LHPP: variants seen among roughly 807,000 people sequenced by gnomAD.
LHPP encodes the protein hLHPP.
Under a neutral mutation model 30.3 loss-of-function variants are expected in LHPP, and 24 were observed. The observed-to-expected ratio is 0.79, with a 90% CI of 0.57 to 1.11. The LOEUF (loss-of-function observed/expected upper bound fraction) is 1.11. Among genes scored for constraint, LHPP ranks in the 50% most tolerant of loss-of-function variants. LHPP has a pLI of 0.00. For missense variants in LHPP, 356 were observed against 367.2 expected (o/e 0.97, Z 0.25); for synonymous variants, 150 against 157.1 (o/e 0.95, Z 0.34).
intron 1 of LHPP, among the ~76,000 whole-genome samples, chr10:124,465,897 C>T (rs932398371): frequency 2.0e-5 from 3 of 152,204 alleles, no homozygotes; most frequent in African/African-American, 7.2e-5. Flanking sequence ...TCAAGCTGCC[C>T]TGTTTCATCA....
intron 5 of LHPP, chr10:124,498,657 T>TTTA: frequency 1.7e-6 from 1 of 577,800 alleles, no homozygotes; most frequent in Non-Finnish European, 3.1e-6. Context: ...TTCTTTTCTT[T>TTTA]TTCTTTTTTT....
chr10:124,602,076 G>A (rs537374383), intron 6 of LHPP, among the ~76,000 whole-genome samples: 9 of 152,298 alleles, frequency 5.9e-5, no homozygotes, highest in South Asian at 2.1e-4. Context: ...ACAGGCCTCC[G>A]GGTCTAGCCA....
At chr10:124,607,380 C>T (rs555239153) in intron 6 of LHPP, among the ~76,000 whole-genome samples, 2 of 152,356 alleles carry the variant, frequency 1.3e-5, no homozygotes, top group East Asian at 1.9e-4. Flanking sequence ...AGCAGCGTCA[C>T]GTAATTAAGA....
At chr10:124,466,104 A>G (rs1335836983) in intron 1 of LHPP, among the ~76,000 whole-genome samples, 1 of 152,194 alleles carries the variant, frequency 6.6e-6, no homozygotes, top group Non-Finnish European at 1.5e-5. Context: ...TGCCTTTTAA[A>G]TAGCAAAAGA....
chr10:124,606,531 G>A (rs368345790), intron 6 of LHPP, among the ~76,000 whole-genome samples: 117 of 152,370 alleles, frequency 7.7e-4, no homozygotes, highest in African/African-American at 2.2e-3. Context: ...AGGGTCCCCA[G>A]GTGCAGGGGA....
chr10:124,562,943 A>G (rs1016311518), intron 6 of LHPP, among the ~76,000 whole-genome samples: 11 of 148,734 alleles, frequency 7.4e-5, no homozygotes, highest in South Asian at 4.5e-4. Flanking sequence ...CTAAAAAAAA[A>G]AAGAAAAAAA....
At chr10:124,604,406 C>T (rs1268937861) in intron 6 of LHPP, among the ~76,000 whole-genome samples, 2 of 152,176 alleles carry the variant, frequency 1.3e-5, no homozygotes, top group South Asian at 2.1e-4. Flanking sequence ...TGGGCCAGCA[C>T]GTGGACAGCA....
chr10:124,565,302 G>T (rs554299438), intron 6 of LHPP, among the ~76,000 whole-genome samples: 1 of 152,138 alleles, frequency 6.6e-6, no homozygotes, highest in Non-Finnish European at 1.5e-5. Flanking sequence ...TCGCTAGCTT[G>T]TTCTTGCAGA....
intron 6 of LHPP, among the ~76,000 whole-genome samples, chr10:124,591,869 G>T (rs1451364259): frequency 1.3e-5 from 2 of 152,002 alleles, no homozygotes; most frequent in Non-Finnish European, 2.9e-5. Flanking sequence ...TGACAATGGA[G>T]CTAGCAACAC....
chr10:124,558,285 CT>C (rs1948335607), intron 6 of LHPP, among the ~76,000 whole-genome samples: 1 of 152,224 alleles, frequency 6.6e-6, no homozygotes, highest in African/African-American at 2.4e-5. Context: ...TTCAGCCTCC[CT>C]GTCCCCAGCC....
intron 6 of LHPP, among the ~76,000 whole-genome samples, chr10:124,572,036 T>G (rs1948591185): frequency 1.3e-5 from 2 of 151,122 alleles, no homozygotes; most frequent in South Asian, 2.1e-4. Context: ...GCCCCTTGGG[T>G]GTTGGAGGAA....
intron 6 of LHPP, among the ~76,000 whole-genome samples, chr10:124,556,011 T>C (rs1248124045): frequency 6.6e-6 from 1 of 151,802 alleles, no homozygotes; most frequent in Non-Finnish European, 1.5e-5. Context: ...TATTTGGTGC[T>C]TACATGCACT....
intron 6 of LHPP, among the ~76,000 whole-genome samples, chr10:124,547,249 G>A (rs1955372428): frequency 6.6e-6 from 1 of 152,174 alleles, no homozygotes; most frequent in Non-Finnish European, 1.5e-5. Context: ...CATTCCTGCA[G>A]TCCCCTGTTA....
At chr10:124,582,667 C>G (rs573240604) in intron 6 of LHPP, among the ~76,000 whole-genome samples, 1 of 152,088 alleles carries the variant, frequency 6.6e-6, no homozygotes, top group East Asian at 1.9e-4. Flanking sequence ...GTATTACACC[C>G]TATATTCTTA....
At chr10:124,572,654 G>GGCAAGAAAGGAAAGGAAA (rs774671343) in intron 6 of LHPP, among the ~76,000 whole-genome samples, 1 of 47,714 alleles carries the variant, frequency 2.1e-5, no homozygotes, top group Non-Finnish European at 4.5e-5. Flanking sequence ...AAGTAAGAAA[G>GGCAAGAAAGGAAAGGAAA]GAAAGGAAAG....
chr10:124,609,031 C>T (rs1443467426), intron 6 of LHPP, among the ~76,000 whole-genome samples: 1 of 152,188 alleles, frequency 6.6e-6, no homozygotes, highest in Non-Finnish European at 1.5e-5. Context: ...GAGAAGGGGC[C>T]TGTCCAGAGC....
At chr10:124,499,357 G>T (rs775386622) in intron 5 of LHPP, among the ~76,000 whole-genome samples, 53 of 151,864 alleles carry the variant, frequency 3.5e-4, no homozygotes, top group Non-Finnish European at 6.3e-4. Context: ...GTAAGGAATA[G>T]TGGGCAGCCG....
rs888492982 is a variant in LHPP at position 124,497,546 on chromosome 10, G to C, written c.532-490G>C. On this transcript the variant is annotated intron_variant, in intron 4 of 6. Coordinates refer to ENST00000368842, the MANE Select transcript of LHPP (RefSeq NM_022126.4). The stretch of plus-strand genomic sequence containing the variant: ...CTCCCCTGGGTCCACTCTGGCCCAG[G>C]TCCCATTAGCTGCCCCAGGTCAGCC... 1.8e-4 allele frequency among the ~76,000 whole-genome samples: 28 copies of C among 152,306 alleles called. No individual in the cohort carries two copies. The East Asian group carries it at 5.2e-3, about 28-fold the overall frequency.
intron 3 of LHPP, chr10:124,490,026 T>C: frequency 5.8e-6 from 1 of 172,382 alleles, no homozygotes; most frequent in South Asian, 1.3e-4. Context: ...GGTATCTCTC[T>C]CTGTCTGTGG....
Sources: allele counts gnomAD v4.1 joint callset (sites outside exome capture counted in the v4.1 genomes callset), GRCh38; gene constraint gnomAD v4.1.1; transcripts MANE v1.5; gene names NCBI Gene and HGNC (gene_info 2026-07-23, HGNC 2026-07-21).